The following HUNK variants were observed in gnomAD, a reference collection of about 807,000 sequenced individuals.
HUNK encodes the protein hormonally up-regulated neu tumor-associated kinase.
Under a neutral mutation model 61.0 loss-of-function variants are expected in HUNK, and 21 were observed. That is an observed-to-expected ratio of 0.34 (90% CI 0.24 to 0.50). The LOEUF (loss-of-function observed/expected upper bound fraction) is 0.50. HUNK is among the 20% of genes least tolerant of loss of function. The probability of loss-of-function intolerance (pLI) is 0.98; values close to 1 mark genes in which losing one functional copy is unlikely to be tolerated. For synonymous variants in HUNK, 371 were observed against 386.1 expected (o/e 0.96, Z 0.46); for missense variants, 772 against 945.7 (o/e 0.82, Z 2.41).
chr21:31,960,787 CAT>C (rs1302649992), intron 5 of HUNK, among the ~76,000 whole-genome samples: 1 of 152,168 alleles, frequency 6.6e-6, no homozygotes, highest in African/African-American at 2.4e-5. Flanking sequence ...CCGCCCTTGA[CAT>C]GTGGGGATTA....
At chr21:31,917,219 G>T (rs931729833) in intron 1 of HUNK, among the ~76,000 whole-genome samples, 1 of 152,038 alleles carries the variant, frequency 6.6e-6, no homozygotes, top group Non-Finnish European at 1.5e-5. Flanking sequence ...CTGAGACAGG[G>T]TCTCACTCTG....
At chr21:31,926,225 C>A (rs1349499333) in intron 2 of HUNK, among the ~76,000 whole-genome samples, 1 of 152,178 alleles carries the variant, frequency 6.6e-6, no homozygotes, top group African/African-American at 2.4e-5. Context: ...GCATAGAAAT[C>A]ATTTTTAATT....
intron 1 of HUNK, among the ~76,000 whole-genome samples, chr21:31,918,097 T>G (rs1030473596): frequency 6.6e-6 from 1 of 152,228 alleles, no homozygotes; most frequent in African/African-American, 2.4e-5. Context: ...GATCACTGAT[T>G]GACTTTTCCT....
intron 1 of HUNK, among the ~76,000 whole-genome samples, chr21:31,920,363 A>G (rs1374368653): frequency 2.0e-5 from 3 of 152,216 alleles, no homozygotes; most frequent in Non-Finnish European, 4.4e-5. Flanking sequence ...CAGGCAATTG[A>G]AGAACTCAAT....
At chr21:31,965,801 C>T (rs2052962131) in intron 5 of HUNK, among the ~76,000 whole-genome samples, 2 of 151,904 alleles carry the variant, frequency 1.3e-5, no homozygotes, top group South Asian at 4.2e-4. Context: ...GGGGTTTCGC[C>T]ATGTTGATCA....
At chr21:31,903,220 C>T (rs1230041961) in intron 1 of HUNK, among the ~76,000 whole-genome samples, 4 of 151,902 alleles carry the variant, frequency 2.6e-5, no homozygotes, top group African/African-American at 9.7e-5. Context: ...ATCACAGCTA[C>T]CCCTCCACCA....
chr21:31,995,850 C>A lies in HUNK; in HGVS notation c.1388C>A (p.Ser463Ter). The A allele has an allele frequency of 6.2e-7, 1 of 1,613,924 alleles. No individual in the cohort carries two copies. The highest frequency in any genetic ancestry group is 8.5e-7 in the Non-Finnish European group (1 of 1,179,790). ...AAGAAGTTGGACAAGAACCTGCCCTCGCACAAACAGCCCTCAGGCTCGCTT... is the reference window on the plus strand; with the variant it reads ...AAGAAGTTGGACAAGAACCTGCCCTAGCACAAACAGCCCTCAGGCTCGCTT... ...FSKKLDKNLP[S>*]HKQPSGSLMT... The change falls in exon 10 of 11, where the codon TCG becomes TAG. Residue 463 changes from serine (S) to a stop codon, truncating the protein, a stop_gained. Transcript: ENST00000270112. LOFTEE classifies it high-confidence loss of function.
intron 2 of HUNK, among the ~76,000 whole-genome samples, chr21:31,934,442 C>CAAA (rs35817125): frequency 4.2e-4 from 37 of 88,770 alleles, no homozygotes; most frequent in African/African-American, 1.2e-3. Context: ...GACTCTGCCT[C>CAAA]AAAAAAAAAA....
At chr21:31,933,003 C>G (rs1181513324) in intron 2 of HUNK, among the ~76,000 whole-genome samples, 1 of 151,554 alleles carries the variant, frequency 6.6e-6, no homozygotes, top group Admixed American at 6.6e-5. Context: ...CCTCCACCTG[C>G]CAGGTTCAAG....
chr21:31,888,938 A>G (rs1294149568), intron 1 of HUNK, among the ~76,000 whole-genome samples: 6 of 152,166 alleles, frequency 3.9e-5, no homozygotes, highest in African/African-American at 1.4e-4. Flanking sequence ...TCCTCAATGA[A>G]GGAAGCAGTG....
intron 1 of HUNK, among the ~76,000 whole-genome samples, chr21:31,916,002 AG>A (rs2052578869): frequency 6.7e-6 from 1 of 150,326 alleles, no homozygotes; most frequent in Non-Finnish European, 1.5e-5. Flanking sequence ...CATCAATTTA[AG>A]GAGCACTTCG....
At chr21:31,939,900 G>T (rs1408019991) in intron 2 of HUNK, among the ~76,000 whole-genome samples, 1 of 151,878 alleles carries the variant, frequency 6.6e-6, no homozygotes, top group Non-Finnish European at 1.5e-5. Flanking sequence ...TTTAGGTCTT[G>T]CTTTTTCCAG....
intron 2 of HUNK, among the ~76,000 whole-genome samples, chr21:31,932,390 C>T (rs114257300): frequency 0.019 from 2,827 of 152,240 alleles, 75 homozygotes; most frequent in African/African-American, 0.064. Flanking sequence ...CGGCCAGTCT[C>T]AGAACTTTCC....
intron 1 of HUNK, among the ~76,000 whole-genome samples, chr21:31,874,257 C>T (rs1287083473): frequency 6.6e-6 from 1 of 151,414 alleles, no homozygotes; most frequent in Non-Finnish European, 1.5e-5. Context: ...GGCCCCTCTG[C>T]CCTTCAGGCC....
At chr21:31,917,964 G>A (rs2052597571) in intron 1 of HUNK, among the ~76,000 whole-genome samples, 1 of 152,150 alleles carries the variant, frequency 6.6e-6, no homozygotes, top group Non-Finnish European at 1.5e-5. Flanking sequence ...GACTCAAGTA[G>A]TTTATTTTGC....
At chr21:31,937,011 T>A (rs1432790711) in intron 2 of HUNK, among the ~76,000 whole-genome samples, 1 of 152,240 alleles carries the variant, frequency 6.6e-6, no homozygotes, top group Non-Finnish European at 1.5e-5. Context: ...TCCTTTAGAT[T>A]TAGAGAGTAC....
chr21:31,922,081 A>G (rs1229754038), intron 1 of HUNK, among the ~76,000 whole-genome samples: 2 of 152,072 alleles, frequency 1.3e-5, no homozygotes, highest in Non-Finnish European at 2.9e-5. Context: ...CAATGGCACA[A>G]TCTCTGCTCA....
chr21:31,947,194 C>G (rs1336015537), intron 4 of HUNK, among the ~76,000 whole-genome samples: 2 of 151,564 alleles, frequency 1.3e-5, no homozygotes, highest in Non-Finnish European at 2.9e-5. Flanking sequence ...GGCGCCTGCG[C>G]ATTCCCACAT....
intron 7 of HUNK, among the ~76,000 whole-genome samples, chr21:31,983,204 T>C (rs2053109918): frequency 1.3e-5 from 2 of 152,192 alleles, no homozygotes; most frequent in African/African-American, 4.8e-5. Context: ...GGTTTCTCTG[T>C]TCGTGTTTTT....
Sources: gnomAD v4.1 joint callset for allele counts (sites outside exome capture counted in the v4.1 genomes callset) on GRCh38, gnomAD v4.1.1 for gene constraint, MANE v1.5 for transcripts, NCBI Gene and HGNC (gene_info 2026-07-23, HGNC 2026-07-21) for gene names.